The following IGF2BP1 variants were observed in gnomAD, a reference collection of about 807,000 sequenced individuals.
The protein encoded by IGF2BP1 is insulin like growth factor 2 mRNA binding protein 1.
Under a neutral mutation model 74.9 loss-of-function variants are expected in IGF2BP1, and 11 were observed. That is an observed-to-expected ratio of 0.15 (90% CI 0.09 to 0.24). IGF2BP1 has a LOEUF of 0.24. Ranked by LOEUF, IGF2BP1 falls within the 10% of genes least tolerant of loss-of-function variation. The pLI, the probability that IGF2BP1 is intolerant of heterozygous loss-of-function variation, is 1.00. For synonymous variants in IGF2BP1, 287 were observed against 281.8 expected (o/e 1.02, Z -0.18); for missense variants, 440 against 757.4 (o/e 0.58, Z 4.92).
At chr17:49,000,796 C>T (rs2041479861) in intron 2 of IGF2BP1, among the ~76,000 whole-genome samples, 1 of 152,114 alleles carries the variant, frequency 6.6e-6, no homozygotes, top group Non-Finnish European at 1.5e-5. Flanking sequence ...TTTTAATTTT[C>T]ATGGTGCCCT....
chr17:49,033,673 C>T (rs1464576423), intron 5 of IGF2BP1, among the ~76,000 whole-genome samples: 1 of 152,006 alleles, frequency 6.6e-6, no homozygotes, highest in East Asian at 1.9e-4. Flanking sequence ...CAGTGTCAGC[C>T]TTGGGAATGG....
chr17:49,022,340 A>G (rs2144034549), intron 2 of IGF2BP1, among the ~76,000 whole-genome samples: 1 of 152,332 alleles, frequency 6.6e-6, no homozygotes, highest in South Asian at 2.1e-4. Context: ...AGGTAGCACC[A>G]TATTTAATAG....
intron 2 of IGF2BP1, among the ~76,000 whole-genome samples, chr17:49,019,131 C>T (rs1481134641): frequency 6.6e-6 from 1 of 152,134 alleles, no homozygotes; most frequent in South Asian, 2.1e-4. Flanking sequence ...ATGGCATCCT[C>T]GCTTCTGGGT....
chr17:49,023,088 A>G (rs1032739486), intron 2 of IGF2BP1, among the ~76,000 whole-genome samples: 1 of 152,056 alleles, frequency 6.6e-6, no homozygotes, highest in Non-Finnish European at 1.5e-5. Context: ...GGGCTTCTAC[A>G]TTTTCAGTCT....
intron 2 of IGF2BP1, among the ~76,000 whole-genome samples, chr17:49,001,773 A>G (rs2041490746): frequency 1.3e-5 from 2 of 152,116 alleles, no homozygotes; most frequent in South Asian, 4.1e-4. Flanking sequence ...AAAGAGAAAA[A>G]CCAAATGCAT....
chr17:49,019,701 A>C (rs2041752315), intron 2 of IGF2BP1, among the ~76,000 whole-genome samples: 1 of 151,514 alleles, frequency 6.6e-6, no homozygotes, highest in Admixed American at 6.6e-5. Context: ...ACTTTAAAAG[A>C]TTGACAACAG....
chr17:49,017,746 T>G (rs1231171007), intron 2 of IGF2BP1: 1 of 152,170 alleles, frequency 6.6e-6, no homozygotes, highest in Non-Finnish European at 1.5e-5. Context: ...GTAGCTGGGA[T>G]TACAGGCGCC....
At chr17:49,023,372 A>T (rs910860665) in intron 2 of IGF2BP1, among the ~76,000 whole-genome samples, 1 of 152,184 alleles carries the variant, frequency 6.6e-6, no homozygotes, top group African/African-American at 2.4e-5. Context: ...AGATTTCCTT[A>T]ACATATTTTA....
chr17:49,026,536 T>C lies in IGF2BP1; in HGVS notation c.337+19T>C. The C allele has an allele frequency of 6.2e-7, 1 of 1,612,282 alleles. No individual in the cohort carries two copies. Among genetic ancestry groups the C allele is most frequent in the Non-Finnish European group, 8.5e-7 (1 of 1,178,384 alleles). Reference sequence around the variant, plus strand: ...GAGCAAGGTAAGAGTGGGCCGGGTGTGGGGTGGCACTCGTGGTGGGGGTTG... The same window carrying C: ...GAGCAAGGTAAGAGTGGGCCGGGTGCGGGGTGGCACTCGTGGTGGGGGTTG... On this transcript the variant is annotated intron_variant, in intron 4 of 14. Transcript: ENST00000290341.
chr17:49,025,595 C>A (rs1324019599), intron 2 of IGF2BP1, 23 bp from the exon 3 acceptor site: 1 of 1,610,186 alleles, frequency 6.2e-7, no homozygotes, highest in Non-Finnish European at 8.5e-7. Flanking sequence ...CTTTCTTTAA[C>A]TCTGCTCCCC....
Position 49,050,315 on chromosome 17 carries a change from T to G in IGF2BP1, c.*871T>G, listed in dbSNP as rs1314051361. ...GTAGGGGCTGACCACTGTCCCTGAT[T>G]CCCATCGTTCTCAGGCGGATTTTAT... On this transcript the variant is annotated 3_prime_UTR_variant, in exon 15 of 15. Transcript: ENST00000290341. 1 of 152,672 alleles carries G rather than the reference T, an allele frequency of 6.5e-6. No individual in the cohort carries two copies. The highest frequency in any genetic ancestry group is 2.4e-5 in the African/African-American group (1 of 41,460). 9.5% of individuals were successfully genotyped at this position (152,672 alleles called of 1,614,324 possible).
At position 49,019,995 on chromosome 17, in the gene IGF2BP1, TAC is replaced by T. The variant is rs1172777163; in HGVS notation, c.237-5609_237-5608del. On this transcript the variant is annotated intron_variant, in intron 2 of 14. Transcript: ENST00000290341. ...ACACACATACACCCACACATATATA[TAC>T]ACACACACACACATATATATACACA... is the stretch of plus-strand genomic sequence containing the variant. 6.5e-4 allele frequency among the ~76,000 whole-genome samples: 31 copies of T among 47,946 alleles called. 1 individual carries two copies. The highest frequency in any genetic ancestry group is 3.4e-3 in the East Asian group (9 of 2,632). The allele number at this position is 47,946 out of a possible 152,430, so 31.5% of individuals were successfully genotyped here.
At chr17:49,006,367 T>C (rs985709150) in intron 2 of IGF2BP1, among the ~76,000 whole-genome samples, 3 of 152,210 alleles carry the variant, frequency 2.0e-5, no homozygotes, top group African/African-American at 7.2e-5. Context: ...CACTCATCCT[T>C]TACTGGGGTC....
intron 9 of IGF2BP1, among the ~76,000 whole-genome samples, chr17:49,043,173 G>A (rs998131456): frequency 6.6e-6 from 1 of 152,176 alleles, no homozygotes; most frequent in South Asian, 2.1e-4. Flanking sequence ...TCCTGAGGGT[G>A]TACAACTGTT....
intron 14 of IGF2BP1, among the ~76,000 whole-genome samples, chr17:49,046,912 G>T (rs1272391879): frequency 6.6e-6 from 1 of 152,142 alleles, no homozygotes; most frequent in African/African-American, 2.4e-5. Context: ...AGGCTCCAGA[G>T]CATGGAAGGG....
At chr17:49,046,788 T>A (rs2042112780) in intron 14 of IGF2BP1, among the ~76,000 whole-genome samples, 1 of 152,098 alleles carries the variant, frequency 6.6e-6, no homozygotes, top group South Asian at 2.1e-4. Flanking sequence ...TTGATGGCAT[T>A]TTTGAAATGT....
In IGF2BP1 at chr17:49,031,067, T is replaced by C. The variant is rs577479677; in HGVS notation, c.338-843T>C. On this transcript the variant is annotated intron_variant, in intron 4 of 14. Coordinates refer to ENST00000290341, the MANE Select transcript of IGF2BP1 (RefSeq NM_006546.4). ...GCTACACCCATTTGTATATCCACTT[T>C]CTTGGGAACCGGCTGAGGAAATTAC... Among the ~76,000 whole-genome samples, 24 of 152,340 alleles carry C rather than the reference T, an allele frequency of 1.6e-4. No homozygotes were observed. In the South Asian group the frequency reaches 5.0e-3, roughly 32 times the overall value.
intron 2 of IGF2BP1, 120 bp from the exon 3 acceptor site, chr17:49,025,498 A>G (rs1173970655): frequency 3.2e-5 from 27 of 853,564 alleles, no homozygotes; most frequent in South Asian, 2.4e-4. Context: ...TTTTAAGACT[A>G]TGGTGTTGGT....
chr17:49,019,278 AT>A (rs2041745858), intron 2 of IGF2BP1, among the ~76,000 whole-genome samples: 1 of 152,016 alleles, frequency 6.6e-6, no homozygotes, highest in Non-Finnish European at 1.5e-5. Context: ...CATCTGGTGC[AT>A]TTGCTCCTTC....
Sources: gnomAD v4.1 joint callset for allele counts (sites outside exome capture counted in the v4.1 genomes callset) on GRCh38, gnomAD v4.1.1 for gene constraint, MANE v1.5 for transcripts, NCBI Gene and HGNC (gene_info 2026-07-23, HGNC 2026-07-21) for gene names.